ELMO1: variants seen among roughly 807,000 people sequenced by gnomAD.
ELMO1 encodes the protein engulfment and cell motility 1, also known as engulfment and cell motility protein 1.
ELMO1 carries 26 observed loss-of-function variants against 98.9 expected under a neutral mutation model. That is an observed-to-expected ratio of 0.26 (90% CI 0.19 to 0.36). ELMO1 has a LOEUF of 0.36. Among genes scored for constraint, ELMO1 ranks in the 10% least tolerant of loss-of-function variants. The pLI is 1.00. For synonymous variants in ELMO1, 346 were observed against 346.0 expected (o/e 1.00, Z 0.00); for missense variants, 627 against 935.2 (o/e 0.67, Z 4.30).
chr7:37,215,529 G>A (rs1302043317), intron 11 of ELMO1, among the ~76,000 whole-genome samples: 1 of 152,120 alleles, frequency 6.6e-6, no homozygotes, highest in Non-Finnish European at 1.5e-5. Flanking sequence ...TCCTCTACAA[G>A]CTCTGGCTCC....
chr7:37,307,164 C>A (rs1161743209), intron 4 of ELMO1, among the ~76,000 whole-genome samples: 1 of 152,124 alleles, frequency 6.6e-6, no homozygotes, highest in African/African-American at 2.4e-5. Flanking sequence ...TTAGGTATGT[C>A]CAAAGGGGAA....
chr7:37,221,517 G>T (rs1281831947), intron 10 of ELMO1, among the ~76,000 whole-genome samples: 3 of 151,908 alleles, frequency 2.0e-5, no homozygotes, highest in Non-Finnish European at 4.4e-5. Flanking sequence ...CATGTTGATT[G>T]AAAAAAACAT....
chr7:37,067,926 TAA>T (rs1421435543), intron 15 of ELMO1, among the ~76,000 whole-genome samples: 1 of 152,172 alleles, frequency 6.6e-6, no homozygotes, highest in African/African-American at 2.4e-5. Context: ...CACTCATAAA[TAA>T]AACAGTTCGA....
intron 15 of ELMO1, among the ~76,000 whole-genome samples, chr7:37,086,765 A>AAAAAAAAAAAAAAG (rs1491293564): frequency 1.4e-5 from 2 of 142,568 alleles, no homozygotes; most frequent in South Asian, 2.2e-4. Context: ...AAAAAAAAAA[A>AAAAAAAAAAAAAAG]GAAATCTTTG....
chr7:36,986,970 G>A (rs1472614068), intron 16 of ELMO1, among the ~76,000 whole-genome samples: 1 of 152,130 alleles, frequency 6.6e-6, no homozygotes, highest in African/African-American at 2.4e-5. Context: ...AATATTTGTT[G>A]CCTAACAGCC....
At chr7:36,984,028 T>G (rs1394154020) in intron 16 of ELMO1, among the ~76,000 whole-genome samples, 1 of 152,022 alleles carries the variant, frequency 6.6e-6, no homozygotes, top group African/African-American at 2.4e-5. Context: ...TCTTCTCTCA[T>G]TCTTACCAAC....
At chr7:36,894,750 C>T (rs1290975863) in intron 17 of ELMO1, 104 bp downstream of exon 17, 2 of 1,435,508 alleles carry the variant, frequency 1.4e-6, no homozygotes, top group Non-Finnish European at 1.9e-6. Flanking sequence ...TGCTGGCCTT[C>T]CCTGAGGAGC....
chr7:37,366,802 C>G (rs1003210837), intron 1 of ELMO1, among the ~76,000 whole-genome samples: 2 of 152,190 alleles, frequency 1.3e-5, no homozygotes, highest in Non-Finnish European at 2.9e-5. Flanking sequence ...TTATTCATTT[C>G]AAAAATATTA....
At chr7:37,019,457 T>TC (rs1378388208) in intron 15 of ELMO1, among the ~76,000 whole-genome samples, 1 of 152,198 alleles carries the variant, frequency 6.6e-6, no homozygotes, top group Non-Finnish European at 1.5e-5. Context: ...GCAAGCTCAA[T>TC]CCAAGTGTGG....
intron 16 of ELMO1, among the ~76,000 whole-genome samples, chr7:36,924,372 C>A (rs1227539909): frequency 6.6e-6 from 1 of 152,094 alleles, no homozygotes; most frequent in Non-Finnish European, 1.5e-5. Flanking sequence ...TGCTTCCCAG[C>A]GAGGGCCCTC....
At chr7:37,393,876 C>G (rs1356867270) in intron 1 of ELMO1, 2 of 152,164 alleles carry the variant, frequency 1.3e-5, no homozygotes, top group Non-Finnish European at 2.9e-5. Flanking sequence ...TGATCTGTAT[C>G]TTCTCTGCCT....
At chr7:37,031,164 G>T (rs1374793361) in intron 15 of ELMO1, among the ~76,000 whole-genome samples, 1 of 152,038 alleles carries the variant, frequency 6.6e-6, no homozygotes, top group Admixed American at 6.5e-5. Context: ...CCAGTCTCGG[G>T]ACAGATCCAT....
intron 14 of ELMO1, among the ~76,000 whole-genome samples, chr7:37,131,298 T>C (rs570532393): frequency 1.3e-5 from 2 of 152,294 alleles, no homozygotes; most frequent in Non-Finnish European, 2.9e-5. Context: ...AAAGTGCATG[T>C]GGACCAAAAG....
chr7:37,200,304 C>T (rs1792216725), intron 13 of ELMO1, among the ~76,000 whole-genome samples: 1 of 144,556 alleles, frequency 6.9e-6, no homozygotes, highest in African/African-American at 2.6e-5. Flanking sequence ...TAGTCTTGAA[C>T]TCCTGGCCTC....
At chr7:37,166,864 G>C (rs1195638681) in intron 13 of ELMO1, among the ~76,000 whole-genome samples, 4 of 152,040 alleles carry the variant, frequency 2.6e-5, no homozygotes, top group African/African-American at 7.2e-5. Context: ...CTGCTTGGTG[G>C]AGAGCTGAGT....
intron 2 of ELMO1, among the ~76,000 whole-genome samples, chr7:37,339,880 G>A (rs1367244810): frequency 5.3e-5 from 8 of 152,058 alleles, no homozygotes. Context: ...GAGCCAAAAA[G>A]GACACATCAT....
Position 36,939,183 on chromosome 7 carries a change from T to TA in ELMO1, c.1438-44167dup, listed in dbSNP as rs199524959. Reference sequence around the variant, plus strand: ...TTTAAGAAATGAGTTTTTTTTTTTTTATCTCCTAGCCACAGCATACAAAGG... The same window carrying TA: ...TTTAAGAAATGAGTTTTTTTTTTTTTAATCTCCTAGCCACAGCATACAAAGG... On this transcript the variant is annotated intron_variant, in intron 16 of 21. Coordinates refer to ENST00000310758, the MANE Select transcript of ELMO1 (RefSeq NM_014800.11). Among the ~76,000 whole-genome samples, 5 of 151,804 alleles carry TA rather than the reference T, an allele frequency of 3.3e-5. No homozygotes were observed. The East Asian group carries it at 7.7e-4, about 23-fold the overall frequency.
chr7:37,191,086 G>A (rs1030533675), intron 13 of ELMO1, among the ~76,000 whole-genome samples: 1 of 151,294 alleles, frequency 6.6e-6, no homozygotes, highest in African/African-American at 2.4e-5. Context: ...CTACTCAGGA[G>A]GCTGAGGCAG....
At chr7:36,869,533 C>A (rs573929719) in intron 20 of ELMO1, among the ~76,000 whole-genome samples, 2 of 152,158 alleles carry the variant, frequency 1.3e-5, no homozygotes, top group Non-Finnish European at 2.9e-5. Context: ...AATAAAGATG[C>A]AACCTATTGA....
Sources: gnomAD v4.1 joint callset for allele counts (sites outside exome capture counted in the v4.1 genomes callset) on GRCh38, gnomAD v4.1.1 for gene constraint, MANE v1.5 for transcripts, NCBI Gene and HGNC (gene_info 2026-07-23, HGNC 2026-07-21) for gene names.